The following CSRNP3 variants were observed in gnomAD, a reference collection of about 807,000 sequenced individuals.
CSRNP3 encodes cysteine and serine rich nuclear protein 3.
Under a neutral mutation model 48.0 loss-of-function variants are expected in CSRNP3, and 12 were observed. The ratio of observed to expected loss-of-function variants is 0.25; its 90% CI spans 0.16 to 0.41. CSRNP3 has a LOEUF of 0.41. CSRNP3 is among the 10% of genes least tolerant of loss of function. The pLI is 1.00. For missense variants in CSRNP3, 580 were observed against 724.4 expected, an observed-to-expected ratio of 0.80 and a Z score of 2.29; for synonymous variants, 263 against 269.7, an observed-to-expected ratio of 0.98 and a Z score of 0.24.
chr2:165,577,433 T>G (rs1418496312), intron 3 of CSRNP3, among the ~76,000 whole-genome samples: 1 of 151,808 alleles, frequency 6.6e-6, no homozygotes, highest in Non-Finnish European at 1.5e-5. Flanking sequence ...CTGTATGATA[T>G]AAACTGATTT....
chr2:165,667,902 A>G (rs182666834), intron 5 of CSRNP3, among the ~76,000 whole-genome samples: 8 of 152,350 alleles, frequency 5.3e-5, no homozygotes, highest in Admixed American at 2.6e-4. Flanking sequence ...GAACTGTTGT[A>G]CATCTATAAA....
At chr2:165,543,538 A>G (rs990623509) in intron 3 of CSRNP3, among the ~76,000 whole-genome samples, 2 of 152,062 alleles carry the variant, frequency 1.3e-5, no homozygotes, top group South Asian at 2.1e-4. Context: ...GGCATGGGAG[A>G]TGAGGAATAA....
chr2:165,473,335 A>G (rs990172203), intron 1 of CSRNP3, among the ~76,000 whole-genome samples: 1 of 152,094 alleles, frequency 6.6e-6, no homozygotes, highest in South Asian at 2.1e-4. Context: ...ACAACTTTAC[A>G]TCTGTAATGG....
chr2:165,543,802 G>C (rs1284423509), intron 3 of CSRNP3, among the ~76,000 whole-genome samples: 1 of 151,906 alleles, frequency 6.6e-6, no homozygotes, highest in Non-Finnish European at 1.5e-5. Flanking sequence ...AGCTTATTTT[G>C]AAGTTGCAAT....
At chr2:165,580,338 C>T (rs1451413894) in intron 3 of CSRNP3, among the ~76,000 whole-genome samples, 1 of 152,146 alleles carries the variant, frequency 6.6e-6, no homozygotes, top group African/African-American at 2.4e-5. Flanking sequence ...GGTAATTTTA[C>T]ACTATATATT....
chr2:165,648,695 G>T (rs922891011), intron 4 of CSRNP3, among the ~76,000 whole-genome samples: 11 of 152,012 alleles, frequency 7.2e-5, no homozygotes, highest in African/African-American at 2.7e-4. Flanking sequence ...AGAGGAGGGG[G>T]CGTCCTTAAA....
At chr2:165,672,898 A>G (rs1226935712) in intron 5 of CSRNP3, among the ~76,000 whole-genome samples, 1 of 152,126 alleles carries the variant, frequency 6.6e-6, no homozygotes, top group African/African-American at 2.4e-5. Flanking sequence ...ATAGCAGGGA[A>G]TAGGAATATG....
chr2:165,603,204 T>G (rs985478231), intron 4 of CSRNP3, among the ~76,000 whole-genome samples: 6 of 152,238 alleles, frequency 3.9e-5, no homozygotes, highest in Non-Finnish European at 7.3e-5. Context: ...CTGAATCTCC[T>G]GATGTTTCAC....
chr2:165,610,270 A>G (rs1686114502), intron 4 of CSRNP3, among the ~76,000 whole-genome samples: 1 of 152,182 alleles, frequency 6.6e-6, no homozygotes, highest in Non-Finnish European at 1.5e-5. Flanking sequence ...AGCATAATCA[A>G]TCTTTCTTAA....
chr2:165,508,269 AGTAAC>A (rs1420019288), intron 2 of CSRNP3, among the ~76,000 whole-genome samples: 1 of 152,094 alleles, frequency 6.6e-6, no homozygotes. Flanking sequence ...TGTAAGATTA[AGTAAC>A]CCTGCAATTA....
chr2:165,506,800 T>A (rs1684432452), intron 2 of CSRNP3, among the ~76,000 whole-genome samples: 1 of 152,188 alleles, frequency 6.6e-6, no homozygotes, highest in African/African-American at 2.4e-5. Context: ...AACCCTAGCC[T>A]GGGCCGCATA....
rs557900692 is a variant in CSRNP3, at chr2:165,666,565, AAGAG to A, written c.408+8554_408+8557del. Among the ~76,000 whole-genome samples the A allele has an allele frequency of 2.8e-4, 10 of 35,708 alleles. 3 individuals are homozygous for A. Among genetic ancestry groups the A allele is most frequent in the East Asian group, 1.6e-3 (2 of 1,264 alleles). The allele number at this position is 35,708 out of a possible 152,430, so 23.4% of individuals were successfully genotyped here. A position where few individuals can be genotyped will look rare whatever the true frequency, so the allele number is the denominator to read the frequency against. On this transcript the variant is annotated intron_variant, in intron 5 of 6. Transcript: ENST00000651982. The stretch of plus-strand genomic sequence containing the variant: ...GGAAGGAAGGAAAGAGAGAGGAAGA[AAGAG>A]AGAGAGAGGAAGGAAGGAAGGGAGG...
At chr2:165,613,109 C>A (rs1686168084) in intron 4 of CSRNP3, among the ~76,000 whole-genome samples, 2 of 152,002 alleles carry the variant, frequency 1.3e-5, no homozygotes, top group African/African-American at 4.8e-5. Flanking sequence ...TTTATGAAAG[C>A]CATTCTAGTT....
At chr2:165,595,443 A>G (rs1177188060) in intron 4 of CSRNP3, among the ~76,000 whole-genome samples, 8 of 152,208 alleles carry the variant, frequency 5.3e-5, no homozygotes, top group Non-Finnish European at 1.2e-4. Context: ...AATTTAATTT[A>G]AAGATCACAT....
intron 3 of CSRNP3, among the ~76,000 whole-genome samples, chr2:165,538,176 A>G (rs1684906198): frequency 6.6e-6 from 1 of 151,948 alleles, no homozygotes; most frequent in Admixed American, 6.6e-5. Context: ...ATCTGCATAT[A>G]AAAATACCCC....
In CSRNP3 at chr2:165,528,788, C is replaced by T. The variant is rs936456639; in HGVS notation, c.-24+10827C>T. Among the ~76,000 whole-genome samples, 11 of 152,136 alleles carry T rather than the reference C, an allele frequency of 7.2e-5. 1 individual carries two copies. The highest frequency in any genetic ancestry group is 2.0e-4 in the Admixed American group (3 of 15,278). On this transcript the variant is annotated intron_variant, in intron 3 of 6. Coordinates refer to ENST00000651982, the MANE Select transcript of CSRNP3 (RefSeq NM_001172173.2). ...GCAGCAGCAGGTCATCTGGAGTGGC[C>T]GCTGCTATCATGCCGGCTGCAGCAG...
intron 1 of CSRNP3, among the ~76,000 whole-genome samples, chr2:165,489,232 C>T (rs1162819498): frequency 4.0e-5 from 6 of 151,546 alleles, no homozygotes; most frequent in African/African-American, 1.5e-4. Flanking sequence ...ATACACCCTC[C>T]CAAGACTAAA....
At chr2:165,549,695 A>G (rs1054623915) in intron 3 of CSRNP3, among the ~76,000 whole-genome samples, 5 of 152,188 alleles carry the variant, frequency 3.3e-5, no homozygotes, top group African/African-American at 1.2e-4. Context: ...ACAATGTAGC[A>G]TGGCAAGGAG....
intron 2 of CSRNP3, among the ~76,000 whole-genome samples, chr2:165,512,884 C>G (rs974591534): frequency 2.0e-5 from 3 of 152,220 alleles, no homozygotes; most frequent in African/African-American, 7.2e-5. Context: ...GAGGGAGGAT[C>G]ACAAGGTCAG....
Sources: allele counts gnomAD v4.1 joint callset (sites outside exome capture counted in the v4.1 genomes callset), GRCh38; gene constraint gnomAD v4.1.1; transcripts MANE v1.5; gene names NCBI Gene and HGNC (gene_info 2026-07-23, HGNC 2026-07-21).